Variants in LRRC43 observed in about 807,000 individuals in gnomAD.
LRRC43 encodes leucine rich repeat containing 43.
In LRRC43, 62 loss-of-function variants were observed where a neutral mutation model predicts 64.3. The ratio of observed to expected loss-of-function variants is 0.96; its 90% CI spans 0.79 to 1.19. The LOEUF is 1.19. Ranked by LOEUF, LRRC43 falls within the 50% of genes most tolerant of loss-of-function variation. The probability of loss-of-function intolerance (pLI) is 0.00; values close to 1 mark genes in which losing one functional copy is unlikely to be tolerated. For missense variants in LRRC43, 868 were observed against 845.0 expected, an observed-to-expected ratio of 1.03 and a Z score of -0.34; for synonymous variants, 422 against 382.3, an observed-to-expected ratio of 1.10 and a Z score of -1.21.
At chr12:122,186,336 C>T (rs1246964125) in intron 3 of LRRC43, 36 bp downstream of exon 3, 1 of 1,378,618 alleles carries the variant, frequency 7.3e-7, no homozygotes, top group Non-Finnish European at 1.0e-6. Context: ...GTATTTGGGC[C>T]TCCGCTGCCC....
chr12:122,198,982 A>AT (rs11358088), intron 7 of LRRC43, among the ~76,000 whole-genome samples: 6,849 of 123,562 alleles, frequency 0.055, 518 homozygotes, highest in African/African-American at 0.18. Flanking sequence ...TACTTTCACG[A>AT]TTTTTTTTTT....
At position 122,187,787 on chromosome 12, in the gene LRRC43, C is replaced by G. The variant is rs753483392; in HGVS notation, c.609C>G (p.Gly203=). Reference sequence around the variant, plus strand: ...CCGGCCTGCAGCACTTGGGGTTAGGCCACAACAAACTTCTAGGCCCCTTGG... The same window carrying G: ...CCGGCCTGCAGCACTTGGGGTTAGGGCACAACAAACTTCTAGGCCCCTTGG... ...PPAGLQHLGL[G]HNKLLGPLES... The change falls in exon 4 of 12, where the codon GGC becomes GGG. Residue 203 remains glycine, a synonymous_variant. Coordinates refer to ENST00000339777, the MANE Select transcript of LRRC43 (RefSeq NM_001098519.2). 1 of 1,614,076 alleles carries G rather than the reference C, an allele frequency of 6.2e-7. No homozygotes were observed. The highest frequency in any genetic ancestry group is 8.5e-7 in the Non-Finnish European group (1 of 1,180,002).
chr12:122,200,848 C>G lies in LRRC43; in HGVS notation c.1723C>G (p.Leu575Val), dbSNP rs1213737203. 1 of 1,613,196 alleles carries G rather than the reference C, an allele frequency of 6.2e-7. No homozygotes were observed. The highest frequency in any genetic ancestry group is 8.5e-7 in the Non-Finnish European group (1 of 1,179,948). Residue 575 changes from leucine (L) to valine (V), a missense_variant, in exon 10 of 12, where the codon CTG (leucine) becomes GTG (valine). Coordinates refer to ENST00000339777, the MANE Select transcript of LRRC43 (RefSeq NM_001098519.2). The surrounding 1 kb of genome is among the most constrained non-coding windows in gnomAD (Gnocchi z 4.6). ...CCGGGGCCTGGTGATCCTGGAGCCC[C>G]TGCTCGCCGGGGAGCCCCTGGTGTC... is the stretch of plus-strand genomic sequence containing the variant. ...LGRGLVILEP[L>V]LAGEPLVSTV...
chr12:122,189,302 C>T (rs546135925), intron 4 of LRRC43: 5 of 407,458 alleles, frequency 1.2e-5, no homozygotes, highest in African/African-American at 1.0e-4. Flanking sequence ...AGGGCATGCC[C>T]TTGGGGGGTC....
intron 7 of LRRC43, among the ~76,000 whole-genome samples, chr12:122,196,991 T>C (rs2136056430): frequency 6.6e-6 from 1 of 152,258 alleles, no homozygotes; most frequent in African/African-American, 2.4e-5. Flanking sequence ...AGACTTTTCA[T>C]GGCAGTTTTG....
chr12:122,192,084 AC>A (rs1953724590), intron 6 of LRRC43, among the ~76,000 whole-genome samples: 2 of 152,068 alleles, frequency 1.3e-5, no homozygotes, highest in African/African-American at 4.8e-5. Flanking sequence ...CAAGAGAGCC[AC>A]CCGGCATTTC....
rs1953490177 is a variant in LRRC43 at position 122,172,103 on chromosome 12, A to G, written c.-406+4321A>G. ...CCAGGGAGCATTGACAACTCTTAGT[A>G]CAATAAATATCAATAAATTAACATA... On this transcript the variant is annotated intron_variant, in intron 1 of 5. Transcript: ENST00000537729. 4 of 262,504 alleles carry G rather than the reference A, an allele frequency of 1.5e-5. No homozygotes were observed. The South Asian group carries it at 2.2e-4, about 14-fold the overall frequency. The allele number at this position is 262,504 out of a possible 1,614,324, so 16.3% of individuals were successfully genotyped here.
chr12:122,196,795 A>T (rs1381064492), intron 7 of LRRC43, among the ~76,000 whole-genome samples: 1 of 151,898 alleles, frequency 6.6e-6, no homozygotes, highest in African/African-American at 2.4e-5. Context: ...TTGGGCACTT[A>T]CCTTTTCATG....
rs928022402 is a variant in LRRC43, at chr12:122,203,353, TACC to T, written c.1886_1888del (p.His629del). On this transcript the variant is annotated inframe_deletion, in exon 12 of 12. Transcript: ENST00000339777. ...CGTGATTCCGATCTACGAAGGCGAT[TACC>T]ACCCTGAGCCCCTGACCGTAGAGGT... The T allele has an allele frequency of 6.2e-7, 1 of 1,613,442 alleles. No homozygotes were observed. Among genetic ancestry groups the T allele is most frequent in the African/African-American group, 1.3e-5 (1 of 75,060 alleles).
intron 7 of LRRC43, 97 bp downstream of exon 7, chr12:122,193,101 CG>C (rs1953737622): frequency 7.3e-7 from 1 of 1,360,906 alleles, no homozygotes; most frequent in Non-Finnish European, 1.0e-6. Context: ...CTGAGGCTGG[CG>C]GGGCGCGGTG....
chr12:122,181,730 G>A (rs1434633976), upstream of LRRC43, among the ~76,000 whole-genome samples: 5 of 148,074 alleles, frequency 3.4e-5, no homozygotes, highest in Admixed American at 6.8e-5. Flanking sequence ...CTCAGCCTCC[G>A]AAGTAGCTGG....
chr12:122,183,717 C>T (rs964864705), intron 1 of LRRC43, among the ~76,000 whole-genome samples: 1 of 152,172 alleles, frequency 6.6e-6, no homozygotes, highest in African/African-American at 2.4e-5. Context: ...AGGGGTTACC[C>T]CCCATCCTGC....
chr12:122,196,759 C>CA (rs63613560), intron 7 of LRRC43, among the ~76,000 whole-genome samples: 23,127 of 136,254 alleles, frequency 0.17, 2,270 homozygotes, highest in Admixed American at 0.25. Flanking sequence ...GACTCTGTCT[C>CA]AAAAAAAAAA....
Position 122,197,255 on chromosome 12 carries a change from G to A in LRRC43, c.1350-2934G>A, listed in dbSNP as rs557725257. Among the ~76,000 whole-genome samples, 5 of 152,232 alleles carry A rather than the reference G, an allele frequency of 3.3e-5. No individual in the cohort carries two copies. The South Asian group carries it at 1.0e-3, about 32-fold the overall frequency. On this transcript the variant is annotated intron_variant, in intron 7 of 11. Coordinates refer to ENST00000339777, the MANE Select transcript of LRRC43 (RefSeq NM_001098519.2). ...GGCTCACTGCAACCTCTGGCTCCTG[G>A]GTTCAAGCAATTCTCCTGCCTTAGC...
At position 122,186,297 on chromosome 12, in the gene LRRC43, C is replaced by A; in HGVS notation, c.519C>A (p.Leu173=). 6.3e-7 allele frequency: 1 copy of A among 1,588,850 alleles called. No individual in the cohort carries two copies. The highest frequency in any genetic ancestry group is 2.3e-5 in the East Asian group (1 of 43,854). The change falls in exon 3 of 12, where the codon CTC becomes CTA. Residue 173 remains leucine (L), a synonymous_variant. Coordinates refer to ENST00000339777, the MANE Select transcript of LRRC43 (RefSeq NM_001098519.2). ...ATGCCACCAATCTGCCCCCCACACT[C>A]AAGGTGAAGGAGCCCCGGTCTGTGT... ...EVDATNLPPT[L]KVLELYGNEI...
chr12:122,174,087 G>A (rs1342104594), intron 1 of LRRC43: 1 of 1,613,758 alleles, frequency 6.2e-7, no homozygotes, highest in African/African-American at 1.3e-5. Flanking sequence ...CCTGGGGGTA[G>A]TGCTTCCAGA....
At chr12:122,191,347 G>A in intron 5 of LRRC43, 33 bp from the exon 6 acceptor site, 1 of 1,563,656 alleles carries the variant, frequency 6.4e-7, no homozygotes, top group Non-Finnish European at 8.7e-7. Flanking sequence ...TCCATTCCAT[G>A]GGCCCCCCTG....
chr12:122,189,016 G>A (rs996900466), intron 4 of LRRC43, among the ~76,000 whole-genome samples: 6 of 152,112 alleles, frequency 3.9e-5, no homozygotes, highest in Admixed American at 6.6e-5. Context: ...CCGCTCCATC[G>A]CTATTGAAGG....
intron 1 of LRRC43, among the ~76,000 whole-genome samples, chr12:122,177,177 C>A (rs1194757271): frequency 6.6e-6 from 1 of 152,132 alleles, no homozygotes; most frequent in Non-Finnish European, 1.5e-5. Context: ...GATTTTCCTG[C>A]ATTCCCTGGG....
Sources: gnomAD v4.1 joint callset for allele counts (sites outside exome capture counted in the v4.1 genomes callset) on GRCh38, gnomAD v4.1.1 for gene constraint, Gnocchi (gnomAD v3.1) non-coding constraint, MANE v1.5 for transcripts, NCBI Gene and HGNC (gene_info 2026-07-23, HGNC 2026-07-21) for gene names.